The following FGGY variants were observed in gnomAD, a reference collection of about 807,000 sequenced individuals.
FGGY encodes FGGY carbohydrate kinase domain-containing protein.
A neutral mutation model predicts 71.3 loss-of-function variants in FGGY; 72 were observed. That is an observed-to-expected ratio of 1.01 (90% CI 0.84 to 1.23). The LOEUF (loss-of-function observed/expected upper bound fraction) is 1.23, where lower values mean the gene tolerates loss of function less well. Among genes scored for constraint, FGGY ranks in the 50% most tolerant of loss-of-function variants. The pLI, the probability that FGGY is intolerant of heterozygous loss-of-function variation, is 0.00. For synonymous variants in FGGY, 251 were observed against 250.3 expected (o/e 1.00, Z -0.02); for missense variants, 668 against 682.3 (o/e 0.98, Z 0.23).
rs146598162 is a variant in FGGY, at chr1:59,317,592, A to T, written c.-14-3944A>T. Reference sequence around the variant, plus strand: ...CAGATCATATTCATGACCCAGGAACAAAGGGCATAGAGGGGGAAGAGCAGG... The same window carrying T: ...CAGATCATATTCATGACCCAGGAACTAAGGGCATAGAGGGGGAAGAGCAGG... On this transcript the variant is annotated intron_variant, in intron 1 of 15. Coordinates refer to ENST00000303721, the MANE Select transcript of FGGY (RefSeq NM_018291.5). 9.1e-3 allele frequency among the ~76,000 whole-genome samples: 1,389 copies of T among 152,358 alleles called. 12 individuals are homozygous for T. Among genetic ancestry groups the T allele is most frequent in the Non-Finnish European group, 0.015 (1,047 of 68,030 alleles).
chr1:59,622,422 C>A (rs995576942), intron 9 of FGGY, among the ~76,000 whole-genome samples: 1 of 152,030 alleles, frequency 6.6e-6, no homozygotes, highest in African/African-American at 2.4e-5. Context: ...TGTATTATTT[C>A]TGTTTCTCTT....
intron 14 of FGGY, among the ~76,000 whole-genome samples, chr1:59,706,157 A>G (rs1045437890): frequency 2.0e-5 from 3 of 152,186 alleles, no homozygotes; most frequent in Admixed American, 6.5e-5. Flanking sequence ...CTGTACAGGA[A>G]TAAATTTCCC....
chr1:59,363,079 C>A (rs898715189), intron 4 of FGGY, among the ~76,000 whole-genome samples: 1 of 152,132 alleles, frequency 6.6e-6, no homozygotes, highest in African/African-American at 2.4e-5. Flanking sequence ...TTGAGAAGAA[C>A]AAGGATTGTG....
intron 7 of FGGY, among the ~76,000 whole-genome samples, chr1:59,536,206 TG>T (rs1558261687): frequency 4.6e-5 from 7 of 151,878 alleles, no homozygotes; most frequent in East Asian, 1.9e-4. Flanking sequence ...AACACCTCTC[TG>T]CAAATAAACT....
intron 11 of FGGY, among the ~76,000 whole-genome samples, chr1:59,646,341 T>C (rs754647314): frequency 1.3e-5 from 2 of 152,002 alleles, no homozygotes; most frequent in Non-Finnish European, 2.9e-5. Context: ...TATTTTTGCT[T>C]ATGAAAAATC....
chr1:59,745,486 A>G (rs2098188361), intron 14 of FGGY, among the ~76,000 whole-genome samples: 2 of 152,316 alleles, frequency 1.3e-5, no homozygotes, highest in African/African-American at 4.8e-5. Context: ...TCTGCTGGCC[A>G]AAGGATCATC....
intron 6 of FGGY, among the ~76,000 whole-genome samples, chr1:59,499,272 G>A (rs1276419610): frequency 7.2e-6 from 1 of 138,816 alleles, no homozygotes; most frequent in Non-Finnish European, 1.5e-5. Context: ...AACATGGGTA[G>A]TACTGAACCC....
intron 5 of FGGY, among the ~76,000 whole-genome samples, chr1:59,383,512 G>T (rs1319334332): frequency 3.9e-5 from 6 of 152,132 alleles, no homozygotes; most frequent in Non-Finnish European, 8.8e-5. Context: ...ACCAGTTCAG[G>T]CCATGATGGG....
intron 11 of FGGY, among the ~76,000 whole-genome samples, chr1:59,653,719 T>C (rs1009044501): frequency 1.3e-5 from 2 of 152,244 alleles, no homozygotes; most frequent in East Asian, 1.9e-4. Flanking sequence ...TCTTCTGCGT[T>C]GCTCACGCTG....
intron 8 of FGGY, among the ~76,000 whole-genome samples, chr1:59,579,169 C>T (rs1259223394): frequency 6.6e-6 from 1 of 152,114 alleles, no homozygotes; most frequent in African/African-American, 2.4e-5. Context: ...CACAGCTGCG[C>T]CCTCCCTTCT....
intron 9 of FGGY, among the ~76,000 whole-genome samples, chr1:59,614,724 T>C (rs1253540595): frequency 1.3e-5 from 2 of 152,176 alleles, no homozygotes; most frequent in East Asian, 1.9e-4. Flanking sequence ...TGTTTGTAGA[T>C]GACATGATTG....
chr1:59,437,992 T>C (rs1046953589), intron 5 of FGGY, among the ~76,000 whole-genome samples: 2 of 151,792 alleles, frequency 1.3e-5, no homozygotes, highest in South Asian at 2.1e-4. Context: ...TTAGTACTTA[T>C]GTGTGTGTGT....
chr1:59,456,210 G>A (rs181004669), intron 5 of FGGY, among the ~76,000 whole-genome samples: 77 of 152,120 alleles, frequency 5.1e-4, no homozygotes, highest in Admixed American at 3.6e-3. Context: ...TGCTTAAAGC[G>A]CATTCCAGAT....
At chr1:59,459,554 C>A (rs2091998261) in intron 6 of FGGY, among the ~76,000 whole-genome samples, 1 of 152,102 alleles carries the variant, frequency 6.6e-6, no homozygotes. Context: ...GATTATATAG[C>A]CCTACTGACA....
At chr1:59,711,649 CAAG>C (rs2097795202) in intron 14 of FGGY, among the ~76,000 whole-genome samples, 1 of 152,138 alleles carries the variant, frequency 6.6e-6, no homozygotes, top group Non-Finnish European at 1.5e-5. Context: ...TGGCACAAGG[CAAG>C]GAGGAGCAAG....
At chr1:59,563,447 C>T (rs891716861) in intron 8 of FGGY, among the ~76,000 whole-genome samples, 1 of 151,986 alleles carries the variant, frequency 6.6e-6, no homozygotes, top group African/African-American at 2.4e-5. Context: ...ACAATTGCTA[C>T]AAAGAGAATA....
rs544411231 is a variant in FGGY at position 59,533,031 on chromosome 1, C to T, written c.799+20592C>T. ...AAGATGGCCGAATAGGAACAGCTCC[C>T]GTCTACAGCTCCCAGCTTGAGCGAC... is the stretch of plus-strand genomic sequence containing the variant. On this transcript the variant is annotated intron_variant, in intron 7 of 15. Coordinates refer to ENST00000303721, the MANE Select transcript of FGGY (RefSeq NM_018291.5). 9.8e-5 allele frequency among the ~76,000 whole-genome samples: 15 copies of T among 152,304 alleles called. No individual in the cohort carries two copies. The South Asian group carries it at 3.1e-3, about 32-fold the overall frequency.
At chr1:59,350,507 G>A (rs778732002) in intron 4 of FGGY, among the ~76,000 whole-genome samples, 1 of 152,170 alleles carries the variant, frequency 6.6e-6, no homozygotes, top group African/African-American at 2.4e-5. Context: ...AAGAGAGACT[G>A]TGGTTCATCT....
chr1:59,723,203 C>G (rs1290529705), intron 14 of FGGY, among the ~76,000 whole-genome samples: 2 of 152,170 alleles, frequency 1.3e-5, no homozygotes, highest in African/African-American at 4.8e-5. Context: ...GCCCTCCCAG[C>G]TGAAAGAGCA....
Sources: allele counts gnomAD v4.1 joint callset (sites outside exome capture counted in the v4.1 genomes callset), GRCh38; gene constraint gnomAD v4.1.1; transcripts MANE v1.5; gene names NCBI Gene and HGNC (gene_info 2026-07-23, HGNC 2026-07-21).